Variants in B4GALNT1 observed in about 807,000 individuals in gnomAD.
B4GALNT1 encodes the protein beta-1,4 N-acetylgalactosaminyltransferase 1.
Under a neutral mutation model 55.2 loss-of-function variants are expected in B4GALNT1, and 43 were observed. The observed-to-expected ratio is 0.78, with a 90% CI of 0.61 to 1.00. The LOEUF (loss-of-function observed/expected upper bound fraction) is 1.00. Ranked by LOEUF, B4GALNT1 falls within the 50% of genes least tolerant of loss-of-function variation. The pLI is 0.00. For missense variants in B4GALNT1, 664 were observed against 729.7 expected (o/e 0.91, Z 1.04); for synonymous variants, 305 against 311.6 (o/e 0.98, Z 0.22).
chr12:57,628,341 A>ACCCTTCTCAG, intron 8 of B4GALNT1, 79 bp from the exon 9 acceptor site: 2 of 1,588,150 alleles, frequency 1.3e-6, no homozygotes, highest in East Asian at 2.2e-5. Flanking sequence ...CTCTCCCCCG[A>ACCCTTCTCAG]CCCTTCTCAG....
rs1884785759 is a variant in B4GALNT1, at chr12:57,626,037, C to T, written c.*707G>A. Reference sequence around the variant, plus strand: ...AAAGATTTGCACCGTGTGGGTCTGACCTCATCATGTGGAGTGCAGAGGGCC... The same window carrying T: ...AAAGATTTGCACCGTGTGGGTCTGATCTCATCATGTGGAGTGCAGAGGGCC... On this transcript the variant is annotated 3_prime_UTR_variant, in exon 11 of 11. Transcript: ENST00000341156. 1 of 296,598 alleles carries T rather than the reference C, an allele frequency of 3.4e-6. No individual in the cohort carries two copies. Among genetic ancestry groups the T allele is most frequent in the Non-Finnish European group, 6.3e-6 (1 of 159,764 alleles). The allele number at this position is 296,598 out of a possible 1,614,324, so 18.4% of individuals were successfully genotyped here. A position where few individuals can be genotyped will look rare whatever the true frequency, so the allele number is the denominator to read the frequency against.
intron 9 of B4GALNT1, 22 bp from the exon 10 acceptor site, chr12:57,627,880 C>T (rs758057044): frequency 6.4e-7 from 1 of 1,555,250 alleles, no homozygotes; most frequent in Non-Finnish European, 8.7e-7. Context: ...GGGAGGTTGC[C>T]TCCAGGCGGG....
In B4GALNT1 at chr12:57,625,104, T is replaced by G; in HGVS notation, c.*1640A>C. The G allele has an allele frequency of 1.2e-6, 2 of 1,614,076 alleles. No individual in the cohort carries two copies. The highest frequency in any genetic ancestry group is 1.7e-6 in the Non-Finnish European group (2 of 1,179,990). Reference sequence around the variant, plus strand: ...CATGCTGTGTTTCGGGAGTGGTGACTGCCCTTCTTTACTTATAGGAGACTT... The same window carrying G: ...CATGCTGTGTTTCGGGAGTGGTGACGGCCCTTCTTTACTTATAGGAGACTT... On this transcript the variant is annotated 3_prime_UTR_variant, in exon 11 of 11. Transcript: ENST00000341156.
rs1038666892 is a variant in B4GALNT1 at position 57,624,880 on chromosome 12, G to A, written c.*1864C>T. ...TGACCTCTTAGCTCCTCCAGGTCCC[G>A]GGGCTCTGCATCCTGAGCTATCCAA... On this transcript the variant is annotated 3_prime_UTR_variant, in exon 11 of 11. Transcript: ENST00000341156. 1.1e-5 allele frequency: 17 copies of A among 1,614,014 alleles called. No homozygotes were observed. Among genetic ancestry groups the A allele is most frequent in the South Asian group, 4.4e-5 (4 of 91,080 alleles).
In B4GALNT1 at chr12:57,626,903, C is replaced by T; in HGVS notation, c.1443G>A (p.Val481=). Residue 481 remains valine, a synonymous_variant, in exon 11 of 11, where the codon GTG becomes GTA. Transcript: ENST00000341156. The part of the protein sequence containing the change: ...LRVGSCSDVV[V]DHASKLKLPW... The stretch of plus-strand genomic sequence containing the variant: ...GCAGCTTCAGTTTGGATGCATGATC[C>T]ACCACGACGTCGGAGCAGGAGCCAA... 1 of 1,614,174 alleles carries T rather than the reference C, an allele frequency of 6.2e-7. No individual in the cohort carries two copies. The highest frequency in any genetic ancestry group is 8.5e-7 in the Non-Finnish European group (1 of 1,180,022).
In B4GALNT1 at chr12:57,625,171, C is replaced by T. The variant is rs749956611; in HGVS notation, c.*1573G>A. 6 of 1,613,906 alleles carry T rather than the reference C, an allele frequency of 3.7e-6. No homozygotes were observed. In the Admixed American group the frequency reaches 8.3e-5, roughly 22 times the overall value. ...AATGGTTGCAGGTGAGATGGGGTGA[C>T]AAGAAGGAAGATTTGGGCATGTTGC... On this transcript the variant is annotated 3_prime_UTR_variant, in exon 11 of 11. Transcript: ENST00000341156.
rs978400050 is a variant in B4GALNT1, at chr12:57,624,429, T to C, written c.*2315A>G. The C allele has an allele frequency of 1.2e-5, 7 of 599,058 alleles. No homozygotes were observed. Among genetic ancestry groups the C allele is most frequent in the African/African-American group, 3.7e-5 (2 of 54,770 alleles). 37.1% of individuals were successfully genotyped at this position (599,058 alleles called of 1,614,324 possible). ...TCACTTGCCTTGGTAGTCACTGCCCTGGATCTCTTTACCCAGCAGTGATGG... is the reference window on the plus strand; with the variant it reads ...TCACTTGCCTTGGTAGTCACTGCCCCGGATCTCTTTACCCAGCAGTGATGG... On this transcript the variant is annotated 3_prime_UTR_variant, in exon 11 of 11. Transcript: ENST00000341156.
At position 57,623,853 on chromosome 12, in the gene B4GALNT1, C is replaced by A; in HGVS notation, c.*2891G>T. On this transcript the variant is annotated 3_prime_UTR_variant, in exon 11 of 11. Coordinates refer to ENST00000341156, the MANE Select transcript of B4GALNT1 (RefSeq NM_001478.5). ...TTCTCTAGCTGGCAGGCCTCTTCTCCTGCACAGTGGTCCTGTCGGTGCTGC... is the reference window on the plus strand; with the variant it reads ...TTCTCTAGCTGGCAGGCCTCTTCTCATGCACAGTGGTCCTGTCGGTGCTGC... 1 of 1,614,044 alleles carries A rather than the reference C, an allele frequency of 6.2e-7. No individual in the cohort carries two copies. Among genetic ancestry groups the A allele is most frequent in the South Asian group, 1.1e-5 (1 of 91,078 alleles).
intron 8 of B4GALNT1, 140 bp from the exon 9 acceptor site, chr12:57,628,402 G>A: frequency 7.7e-7 from 1 of 1,294,580 alleles, no homozygotes; most frequent in Non-Finnish European, 1.1e-6. Flanking sequence ...CAGGAGCTAG[G>A]TAAAAGAAAT....
Position 57,628,884 on chromosome 12 carries a change from A to G in B4GALNT1, c.831T>C (p.Ala277=). The G allele has an allele frequency of 6.2e-7, 1 of 1,614,034 alleles. No homozygotes were observed. The highest frequency in any genetic ancestry group is 1.1e-5 in the South Asian group (1 of 91,072). ...AGGTCTTGGTGGCAATCGTGACTAG[A>G]GCGCTGATGTTGTACTGGGCTGAGA... ...LPQGAQYNIS[A]LVTIATKTFL... The change falls in exon 8 of 11, where the codon GCT becomes GCC. Residue 277 remains alanine, a synonymous_variant. Coordinates refer to ENST00000341156, the MANE Select transcript of B4GALNT1 (RefSeq NM_001478.5).
At chr12:57,627,065 G>A in intron 10 of B4GALNT1, 104 bp from the exon 11 acceptor site, 1 of 985,308 alleles carries the variant, frequency 1.0e-6, no homozygotes. Flanking sequence ...TGTGTGCAAA[G>A]GCTTGTTTCT....
chr12:57,628,287 G>A (rs1884977249), intron 8 of B4GALNT1, 25 bp from the exon 9 acceptor site: 4 of 1,613,368 alleles, frequency 2.5e-6, no homozygotes, highest in South Asian at 1.1e-5. Flanking sequence ...TGTGTGGTTG[G>A]GGAGGCTGCA....
Position 57,627,752 on chromosome 12 carries a change from C to A in B4GALNT1, c.1250G>T (p.Arg417Leu), listed in dbSNP as rs765320304. 1 of 1,609,246 alleles carries A rather than the reference C, an allele frequency of 6.2e-7. No homozygotes were observed. The highest frequency in any genetic ancestry group is 8.5e-7 in the Non-Finnish European group (1 of 1,177,700). The change falls in exon 10 of 11, where the codon CGC becomes CTC. Residue 417 changes from arginine (R) to leucine (L), a missense_variant. By Grantham distance (102) the Arg-to-Leu change is moderately radical. Transcript: ENST00000341156. ...PGLGNCLRQR[R>L]GFHHELVGFP... ...GCCGACGAGCTCGTGGTGGAAGCCG[C>A]GCCTTTGCCGGAGGCAGTTCCCGAG...
rs1884733462 is a variant in B4GALNT1, at chr12:57,625,366, T to A, written c.*1378A>T. ...GAGAAACCCCTTAGCATCTCACTCA[T>A]ACCCTCTGATCTGGGACTTAACCCC... is the stretch of plus-strand genomic sequence containing the variant. On this transcript the variant is annotated 3_prime_UTR_variant, in exon 11 of 11. Transcript: ENST00000341156. The A allele has an allele frequency of 1.9e-6, 3 of 1,614,104 alleles. No individual in the cohort carries two copies. The highest frequency in any genetic ancestry group is 2.7e-5 in the African/African-American group (2 of 75,032).
rs532393497 is a variant in B4GALNT1, at chr12:57,632,383, C to A, written c.-1-250G>T. On this transcript the variant is annotated intron_variant, in intron 1 of 10. Transcript: ENST00000341156. ...CTGCATCTCGGTTTCCTCACACACCCGAGGCCTGGCATCTTAATGCTGAAG... is the reference window on the plus strand; with the variant it reads ...CTGCATCTCGGTTTCCTCACACACCAGAGGCCTGGCATCTTAATGCTGAAG... 3.4e-4 allele frequency: 219 copies of A among 643,650 alleles called. No homozygotes were observed. The African/African-American group carries it at 3.8e-3, about 11-fold the overall frequency. 39.9% of individuals were successfully genotyped at this position (643,650 alleles called of 1,614,324 possible). A position where few individuals can be genotyped will look rare whatever the true frequency, so the allele number is the denominator to read the frequency against.
At position 57,630,758 on chromosome 12, in the gene B4GALNT1, T is replaced by C. The variant is rs546223183; in HGVS notation, c.490+222A>G. On this transcript the variant is annotated intron_variant, in intron 4 of 10. Coordinates refer to ENST00000341156, the MANE Select transcript of B4GALNT1 (RefSeq NM_001478.5). ...TAACCAATGGTTAGTCAGCAAAGAA[T>C]AGATTATTTCCCCCAAAACTCCCCA... 2.0e-5 allele frequency among the ~76,000 whole-genome samples: 3 copies of C among 152,314 alleles called. No individual in the cohort carries two copies. The South Asian group carries it at 6.2e-4, about 32-fold the overall frequency.
intron 1 of B4GALNT1, chr12:57,632,516 C>G: frequency 3.0e-6 from 1 of 335,370 alleles, no homozygotes; most frequent in Non-Finnish European, 5.7e-6. Context: ...CCGGCGCGCC[C>G]CCGACTCCTC....
intron 8 of B4GALNT1, 113 bp downstream of exon 8, chr12:57,628,600 C>T: frequency 1.6e-6 from 2 of 1,282,882 alleles, no homozygotes; most frequent in Non-Finnish European, 2.2e-6. Flanking sequence ...TTAACAGGCA[C>T]CCCATGATTC....
rs1884827864 is a variant in B4GALNT1, at chr12:57,626,652, G to A, written c.*92C>T. The A allele has an allele frequency of 1.4e-6, 2 of 1,410,920 alleles. No homozygotes were observed. Among genetic ancestry groups the A allele is most frequent in the Non-Finnish European group, 2.0e-6 (2 of 1,006,760 alleles). 87.4% of individuals were successfully genotyped at this position (1,410,920 alleles called of 1,614,324 possible). ...ACTAGAGGCTCAGGGACAGCCAGTA[G>A]AGTGCTCACAGGGTGGTGGGGTTTG... is the stretch of plus-strand genomic sequence containing the variant. On this transcript the variant is annotated 3_prime_UTR_variant, in exon 11 of 11. Coordinates refer to ENST00000341156, the MANE Select transcript of B4GALNT1 (RefSeq NM_001478.5).
Sources: allele counts gnomAD v4.1 joint callset (sites outside exome capture counted in the v4.1 genomes callset), GRCh38; gene constraint gnomAD v4.1.1; transcripts MANE v1.5; gene names NCBI Gene and HGNC (gene_info 2026-07-23, HGNC 2026-07-21).